Variants in CDC42BPG observed in about 807,000 individuals in gnomAD.
The protein encoded by CDC42BPG is serine/threonine-protein kinase MRCK gamma.
In CDC42BPG, 157 loss-of-function variants were observed where a neutral mutation model predicts 192.2. The ratio of observed to expected loss-of-function variants is 0.82; its 90% CI spans 0.72 to 0.93. The LOEUF is 0.93. Among genes scored for constraint, CDC42BPG ranks in the 40% least tolerant of loss-of-function variants. The pLI, the probability that CDC42BPG is intolerant of heterozygous loss-of-function variation, is 0.00. For synonymous variants in CDC42BPG, 981 were observed against 918.5 expected (o/e 1.07, Z -1.23); for missense variants, 1,992 against 2,122.1 (o/e 0.94, Z 1.20).
intron 27 of CDC42BPG, among the ~76,000 whole-genome samples, chr11:64,832,121 T>C (rs1335834156): frequency 6.6e-6 from 1 of 152,158 alleles, no homozygotes; most frequent in Non-Finnish European, 1.5e-5. Context: ...ACAGGGCGCC[T>C]TCAGAACTGG....
intron 36 of CDC42BPG, 73 bp downstream of exon 36, chr11:64,826,397 T>G (rs1942416595): frequency 5.7e-6 from 6 of 1,048,526 alleles, no homozygotes; most frequent in South Asian, 2.7e-5. Flanking sequence ...TAGGTCACTG[T>G]GCAAGGCCTA....
At position 64,835,137 on chromosome 11, in the gene CDC42BPG, G is replaced by A; in HGVS notation, c.1970C>T (p.Ala657Val). 1.2e-6 allele frequency: 2 copies of A among 1,601,852 alleles called. No homozygotes were observed. The highest frequency in any genetic ancestry group is 1.1e-5 in the South Asian group (1 of 91,064). Reference sequence around the variant, plus strand: ...CCGCTGCTTGCTCTCCTGCTCCTGGGCCAGCTCTGCTTCTAGCTGGGGCCG... The same window carrying A: ...CCGCTGCTTGCTCTCCTGCTCCTGGACCAGCTCTGCTTCTAGCTGGGGCCG... ...REQERLEAEL[A>V]QEQESKQRLE... The change falls in exon 17 of 37, where the codon GCC becomes GTC. Residue 657 changes from alanine to valine, a missense_variant. Ala to Val is a moderately conservative substitution (Grantham distance 64). Around this residue, in one of 2 missense-constraint regions of CDC42BPG, gnomAD observed 1,656 missense variants for 1,844.3 expected, o/e 0.90. Transcript: ENST00000342711.
In CDC42BPG at chr11:64,826,567, G is replaced by A. The variant is rs199564155; in HGVS notation, c.4514-12C>T. The A allele has an allele frequency of 7.0e-4, 1,116 of 1,597,432 alleles. 10 individuals are homozygous for A. The highest frequency in any genetic ancestry group is 3.4e-4 in the Non-Finnish European group (396 of 1,172,642). On this transcript the variant is annotated splice_polypyrimidine_tract_variant and intron_variant, in intron 35 of 36. Transcript: ENST00000342711. ...GGGTTTCCTCTTCACTGCTCCAGCA[G>A]CAGACGAGGAGACAAAAATACCAAG...
In CDC42BPG at chr11:64,829,798, GC is replaced by G; in HGVS notation, c.3639del (p.Trp1215GlyfsTer115). 6.2e-7 allele frequency: 1 copy of G among 1,602,398 alleles called. No individual in the cohort carries two copies. The highest frequency in any genetic ancestry group is 1.1e-5 in the South Asian group (1 of 90,278). ...VLCYQLGPGPGPWQRRIRELQ... is the reference protein window; with the variant it reads ...VLCYQLGPGPXPWQRRIRELQ... ...AGCTCACGGATGCGGCGCTGCCAGG[GC>G]CCAGGGCCCGGGCCCAGCTGGTAGC... On this transcript the variant is annotated frameshift_variant, in exon 30 of 37. Coordinates refer to ENST00000342711, the MANE Select transcript of CDC42BPG (RefSeq NM_017525.3). LOFTEE classifies it high-confidence loss of function.
In CDC42BPG at chr11:64,824,354, G is replaced by A. The variant is rs181808867; in HGVS notation, c.*119C>T. On this transcript the variant is annotated 3_prime_UTR_variant, in exon 37 of 37. Coordinates refer to ENST00000342711, the MANE Select transcript of CDC42BPG (RefSeq NM_017525.3). Reference sequence around the variant, plus strand: ...AAGTCTCCCAGTCATTGCCCAGCCCGGGTCCTCCCTGAGTCCGAATTTCCA... The same window carrying A: ...AAGTCTCCCAGTCATTGCCCAGCCCAGGTCCTCCCTGAGTCCGAATTTCCA... 1.5e-5 allele frequency: 12 copies of A among 813,086 alleles called. No homozygotes were observed. The highest frequency in any genetic ancestry group is 6.9e-5 in the Admixed American group (4 of 57,812). The allele number at this position is 813,086 out of a possible 1,614,324, so 50.4% of individuals were successfully genotyped here.
At chr11:64,840,377 G>C in intron 4 of CDC42BPG, 109 bp from the exon 5 acceptor site, 1 of 1,487,310 alleles carries the variant, frequency 6.7e-7, no homozygotes. Context: ...AGCAGCTCTG[G>C]GCTGGCCAGT....
At position 64,827,690 on chromosome 11, in the gene CDC42BPG, T is replaced by C. The variant is rs1220744400; in HGVS notation, c.4061A>G (p.Lys1354Arg). The C allele has an allele frequency of 6.2e-7, 1 of 1,611,056 alleles. No homozygotes were observed. The highest frequency in any genetic ancestry group is 8.5e-7 in the Non-Finnish European group (1 of 1,177,952). ...AGGGCTCTGGCGGACCCTCACCTTC[T>C]TGAGCGGCACGGTCTGCACCCATTC... Reference protein sequence around the residue: ...RAEWVQTVPLKKVRPLNPEGS... With the variant: ...RAEWVQTVPLRKVRPLNPEGS... The change falls in exon 31 of 37, where the codon AAG becomes AGG. Residue 1354 changes from lysine (K) to arginine (R), a missense_variant. Physicochemically the swap from Lys to Arg is conservative, Grantham distance 26 (BLOSUM62 2). This residue lies in a region of CDC42BPG where 336 missense variants were observed against 277.9 expected (regional missense o/e 1.21). Transcript: ENST00000342711.
Position 64,833,608 on chromosome 11 carries a change from G to T in CDC42BPG, c.2617C>A (p.Pro873Thr). ...TANTASTEGL[P>T]AKPGSHTLRP... is the part of the protein sequence containing the mutation. ...CCCCTCTGGGCACTGACCTTAGCAGGAAGACCTTCTGTAGAGGCTGTGTTG... is the reference window on the plus strand; with the variant it reads ...CCCCTCTGGGCACTGACCTTAGCAGTAAGACCTTCTGTAGAGGCTGTGTTG... The change falls in exon 23 of 37, where the codon CCT becomes ACT. Residue 873 changes from proline to threonine, a missense_variant. By Grantham distance (38) the Pro-to-Thr change is conservative (BLOSUM62 -1). This residue lies in a region of CDC42BPG where 1,656 missense variants were observed against 1,844.3 expected (regional missense o/e 0.90). Coordinates refer to ENST00000342711, the MANE Select transcript of CDC42BPG (RefSeq NM_017525.3). The T allele has an allele frequency of 1.2e-6, 2 of 1,610,478 alleles. No homozygotes were observed. The highest frequency in any genetic ancestry group is 1.1e-5 in the South Asian group (1 of 90,324).
intron 27 of CDC42BPG, among the ~76,000 whole-genome samples, 183 bp from the exon 28 acceptor site, chr11:64,831,904 C>T (rs752143153): frequency 6.4e-4 from 97 of 152,248 alleles, no homozygotes; most frequent in Non-Finnish European, 2.5e-4. Flanking sequence ...GGGGCAAGGA[C>T]GGGCCTAGTG....
chr11:64,844,642 G>C lies in CDC42BPG; in HGVS notation c.-73C>G. 8.6e-7 allele frequency: 1 copy of C among 1,167,964 alleles called. No individual in the cohort carries two copies. Among genetic ancestry groups the C allele is most frequent in the Non-Finnish European group, 1.1e-6 (1 of 931,324 alleles). The allele number at this position is 1,167,964 out of a possible 1,614,324, so 72.4% of individuals were successfully genotyped here. A position where few individuals can be genotyped will look rare whatever the true frequency, so the allele number is the denominator to read the frequency against. ...TGCCCGCCTGTCGGGCCGTCCGTCCGCCCAACCGTCTGAGGCTCTGTCCGC... is the reference window on the plus strand; with the variant it reads ...TGCCCGCCTGTCGGGCCGTCCGTCCCCCCAACCGTCTGAGGCTCTGTCCGC... On this transcript the variant is annotated 5_prime_UTR_variant, in exon 1 of 37. Coordinates refer to ENST00000342711, the MANE Select transcript of CDC42BPG (RefSeq NM_017525.3).
rs769236879 is a variant in CDC42BPG, at chr11:64,839,084, G to A, written c.825C>T (p.Pro275=). ...CAYELLFGET[P]FYAESLVETY... ...TTTCCACCAAGGACTCAGCATAGAA[G>A]GGCGTCTCCCCAAAGAGCAGCTCAT... The change falls in exon 7 of 37, where the codon CCC becomes CCT. Residue 275 remains proline (P), a synonymous_variant. Coordinates refer to ENST00000342711, the MANE Select transcript of CDC42BPG (RefSeq NM_017525.3). 8 of 1,613,542 alleles carry A rather than the reference G, an allele frequency of 5.0e-6. No homozygotes were observed. The highest frequency in any genetic ancestry group is 2.2e-5 in the East Asian group (1 of 44,900).
Position 64,841,660 on chromosome 11 carries a change from T to G in CDC42BPG, c.326A>C (p.Lys109Thr). The change falls in exon 3 of 37, where the codon AAG becomes ACG. Residue 109 changes from lysine to threonine, a missense_variant. Coordinates refer to ENST00000342711, the MANE Select transcript of CDC42BPG (RefSeq NM_017525.3). ...MKMLHKWEMLKRAETACFREE... is the reference protein window; with the variant it reads ...MKMLHKWEMLTRAETACFREE... ...AGACTCCACACTGACCTCAGCCCTC[T>G]TCAGCATCTCCCACTTGTGCAGCAT... is the stretch of plus-strand genomic sequence containing the variant. The G allele has an allele frequency of 6.2e-7, 1 of 1,610,104 alleles. No individual in the cohort carries two copies. Among genetic ancestry groups the G allele is most frequent in the South Asian group, 1.1e-5 (1 of 91,018 alleles).
At chr11:64,844,375 G>A in intron 1 of CDC42BPG, 35 bp downstream of exon 1, 2 of 1,364,916 alleles carry the variant, frequency 1.5e-6, no homozygotes, top group Admixed American at 3.5e-5. Flanking sequence ...GATATCCCTA[G>A]GCCCGCCCCC....
chr11:64,829,941 A>G lies in CDC42BPG; in HGVS notation c.3497T>C (p.Ile1166Thr), dbSNP rs1942607064. ...RLFALAELEN[I>T]EVAGAKIPES... ...GGGGATCTTGGCACCTGCTACCTCT[A>G]TGTTCTCCAGCTCCGCCAGGGCAAA... Residue 1166 changes from isoleucine to threonine, a missense_variant, in exon 30 of 37, where the codon ATA becomes ACA. Coordinates refer to ENST00000342711, the MANE Select transcript of CDC42BPG (RefSeq NM_017525.3). 1 of 1,612,034 alleles carries G rather than the reference A, an allele frequency of 6.2e-7. No homozygotes were observed.
Position 64,838,818 on chromosome 11 carries a change from C to G in CDC42BPG, c.961G>C (p.Glu321Gln), listed in dbSNP as rs140918134. 6.2e-7 allele frequency: 1 copy of G among 1,612,718 alleles called. No homozygotes were observed. Among genetic ancestry groups the G allele is most frequent in the African/African-American group, 1.3e-5 (1 of 74,914 alleles). The change falls in exon 8 of 37, where the codon GAG (glutamate) becomes CAG (glutamine). Residue 321 changes from glutamate (E) to glutamine (Q), a missense_variant. This residue lies in a region of CDC42BPG where 1,656 missense variants were observed against 1,844.3 expected (regional missense o/e 0.90). Coordinates refer to ENST00000342711, the MANE Select transcript of CDC42BPG (RefSeq NM_017525.3). ...LIRQLLCRQEERLGRGGLDDF... is the reference protein window; with the variant it reads ...LIRQLLCRQEQRLGRGGLDDF... ...TCCAGCCCACCACGGCCTAGCCGCT[C>G]TTCCTGGCGACACAGCAGCTGGCGG... is the stretch of plus-strand genomic sequence containing the variant.
chr11:64,834,942 T>C lies in CDC42BPG; in HGVS notation c.2082A>G (p.Ser694=). The C allele has an allele frequency of 1.2e-6, 2 of 1,614,104 alleles. No homozygotes were observed. Among genetic ancestry groups the C allele is most frequent in the Non-Finnish European group, 1.7e-6 (2 of 1,180,014 alleles). ...TGGCCAGGGCCTGCAGGTAGCCTCTTGAGACCTTCTCATCATTCACCCTGA... is the reference window on the plus strand; with the variant it reads ...TGGCCAGGGCCTGCAGGTAGCCTCTCGAGACCTTCTCATCATTCACCCTGA... The part of the protein sequence containing the change: ...ILSWVNDEKV[S]RGYLQALATK... Residue 694 remains serine, a synonymous_variant, in exon 18 of 37, where the codon TCA becomes TCG. Transcript: ENST00000342711.
In CDC42BPG at chr11:64,833,935, C is replaced by T. The variant is rs766481577; in HGVS notation, c.2456G>A (p.Arg819Gln). The T allele has an allele frequency of 3.7e-5, 60 of 1,614,088 alleles. No homozygotes were observed. The highest frequency in any genetic ancestry group is 4.5e-5 in the Non-Finnish European group (53 of 1,180,040). Residue 819 changes from arginine to glutamine, a missense_variant, in exon 21 of 37, where the codon CGG becomes CAG. Coordinates refer to ENST00000342711, the MANE Select transcript of CDC42BPG (RefSeq NM_017525.3). Reference protein sequence around the residue: ...SNSLIPFLSFRSSEKDSAKDP... With the variant: ...SNSLIPFLSFQSSEKDSAKDP... ...TGGCCTGGTCCTTACCTCTGAGCTCCGGAAGGACAGGAAGGGAATCAGGGA... is the reference window on the plus strand; with the variant it reads ...TGGCCTGGTCCTTACCTCTGAGCTCTGGAAGGACAGGAAGGGAATCAGGGA...
intron 36 of CDC42BPG, among the ~76,000 whole-genome samples, 160 bp from the exon 37 acceptor site, chr11:64,824,689 G>T (rs1942352400): frequency 6.6e-6 from 1 of 152,148 alleles, no homozygotes; most frequent in Admixed American, 6.6e-5. Flanking sequence ...TGGTAAATGG[G>T]TCACTGGAAG....
intron 1 of CDC42BPG, 58 bp from the exon 2 acceptor site, chr11:64,841,962 T>C: frequency 7.2e-7 from 1 of 1,392,934 alleles, no homozygotes; most frequent in Non-Finnish European, 1.0e-6. Flanking sequence ...ATTCCCCCTC[T>C]CACCTTGGGC....
Sources: gnomAD v4.1 joint callset for allele counts (sites outside exome capture counted in the v4.1 genomes callset) on GRCh38, gnomAD v4.1.1 for gene constraint, gnomAD v4.1.1 regional missense constraint, MANE v1.5 for transcripts, NCBI Gene and HGNC (gene_info 2026-07-23, HGNC 2026-07-21) for gene names.